CEP128: variants seen among roughly 807,000 people sequenced by gnomAD.
The protein encoded by CEP128 is centrosomal protein 128, also known as centrosomal protein 128kDa.
CEP128 carries 132 observed loss-of-function variants against 156.7 expected under a neutral mutation model. The ratio of observed to expected loss-of-function variants is 0.84; its 90% CI spans 0.73 to 0.97. The LOEUF (loss-of-function observed/expected upper bound fraction) is 0.97, where lower values mean the gene tolerates loss of function less well. CEP128 is among the 50% of genes least tolerant of loss of function. The pLI, the probability that CEP128 is intolerant of heterozygous loss-of-function variation, is 0.00. For synonymous variants in CEP128, 469 were observed against 448.9 expected, an observed-to-expected ratio of 1.04 and a Z score of -0.57; for missense variants, 1,252 against 1,281.9, an observed-to-expected ratio of 0.98 and a Z score of 0.36.
intron 2 of CEP128, chr14:80,955,645 C>A (rs761250985): frequency 4.3e-6 from 7 of 1,612,466 alleles, no homozygotes; most frequent in Non-Finnish European, 5.9e-6. Context: ...GAGGCGATTT[C>A]GGAGGATGGA....
intron 18 of CEP128, among the ~76,000 whole-genome samples, chr14:80,751,301 T>A (rs1262206967): frequency 6.6e-6 from 1 of 152,200 alleles, no homozygotes; most frequent in Non-Finnish European, 1.5e-5. Context: ...TGAATTTGTA[T>A]GCAGAATATA....
chr14:80,804,641 G>A (rs1042376407), intron 13 of CEP128, among the ~76,000 whole-genome samples: 1 of 151,940 alleles, frequency 6.6e-6, no homozygotes, highest in African/African-American at 2.4e-5. Flanking sequence ...TGACTCAAGT[G>A]TAAAAACATA....
intron 18 of CEP128, among the ~76,000 whole-genome samples, chr14:80,755,499 A>G (rs1899609707): frequency 6.6e-6 from 1 of 152,184 alleles, no homozygotes; most frequent in Non-Finnish European, 1.5e-5. Flanking sequence ...CACCAGTGCC[A>G]ACAAAGCAAC....
intron 13 of CEP128, among the ~76,000 whole-genome samples, chr14:80,802,903 T>A (rs1210788174): frequency 6.6e-6 from 1 of 152,212 alleles, no homozygotes; most frequent in Non-Finnish European, 1.5e-5. Context: ...TAGAACCAAT[T>A]CTTTTCTCAT....
At chr14:80,849,972 G>A (rs1234161297) in intron 9 of CEP128, among the ~76,000 whole-genome samples, 3 of 151,974 alleles carry the variant, frequency 2.0e-5, no homozygotes, top group Non-Finnish European at 2.9e-5. Context: ...AAGGGAATGG[G>A]AATATATGAT....
chr14:80,871,660 A>AT (rs1239842828), intron 8 of CEP128, among the ~76,000 whole-genome samples: 1 of 152,076 alleles, frequency 6.6e-6, no homozygotes, highest in Non-Finnish European at 1.5e-5. Context: ...GAACTTCTTT[A>AT]TTTTTTCTTT....
At chr14:80,607,046 TAC>T (rs1892811343) in intron 19 of CEP128, among the ~76,000 whole-genome samples, 1 of 151,582 alleles carries the variant, frequency 6.6e-6, no homozygotes, top group Non-Finnish European at 1.5e-5. Flanking sequence ...TACACACATA[TAC>T]ATATATGTAC....
chr14:80,591,283 C>T (rs1005874391), intron 19 of CEP128, among the ~76,000 whole-genome samples: 20 of 151,080 alleles, frequency 1.3e-4, no homozygotes, highest in African/African-American at 4.6e-4. Flanking sequence ...CAAAGACACA[C>T]GTAGGCTCAA....
intron 9 of CEP128, among the ~76,000 whole-genome samples, 169 bp downstream of exon 9, chr14:80,862,588 G>A (rs1887564654): frequency 1.3e-5 from 2 of 152,178 alleles, no homozygotes; most frequent in South Asian, 4.1e-4. Flanking sequence ...TGGACAGCAA[G>A]TATGAAACCA....
chr14:80,556,878 A>G (rs964499924), intron 21 of CEP128, among the ~76,000 whole-genome samples: 2 of 152,192 alleles, frequency 1.3e-5, no homozygotes, highest in Non-Finnish European at 2.9e-5. Flanking sequence ...TTTATGAACT[A>G]TAAAGTACTT....
At chr14:80,786,630 G>A (rs912636441) in intron 14 of CEP128, among the ~76,000 whole-genome samples, 1 of 152,164 alleles carries the variant, frequency 6.6e-6, no homozygotes, top group African/African-American at 2.4e-5. Context: ...TTGATTTTCA[G>A]TTCAATCACG....
chr14:80,535,655 G>A (rs1889452013), intron 21 of CEP128, among the ~76,000 whole-genome samples: 1 of 152,138 alleles, frequency 6.6e-6, no homozygotes, highest in Non-Finnish European at 1.5e-5. Flanking sequence ...TAGTGTTTCT[G>A]TTGATTATAG....
At chr14:80,478,688 A>G (rs1886992711) in intron 14 of CEP128, among the ~76,000 whole-genome samples, 1 of 152,174 alleles carries the variant, frequency 6.6e-6, no homozygotes, top group Non-Finnish European at 1.5e-5. Context: ...AAAATATTTA[A>G]AGCTCTTCCG....
chr14:80,736,669 T>C (rs1476664618), intron 19 of CEP128, among the ~76,000 whole-genome samples: 2 of 152,168 alleles, frequency 1.3e-5, no homozygotes, highest in African/African-American at 2.4e-5. Context: ...ATCTCTAAAA[T>C]TAAGTTCATC....
At chr14:80,492,751 CTG>C (rs1183250380), downstream of CEP128, among the ~76,000 whole-genome samples, 6 of 152,040 alleles carry the variant, frequency 3.9e-5, no homozygotes, top group Admixed American at 1.3e-4. Flanking sequence ...CAAAAGGAAA[CTG>C]TGTAATTTAA....
chr14:80,542,838 A>G (rs77235563), intron 21 of CEP128, among the ~76,000 whole-genome samples: 2,739 of 152,272 alleles, frequency 0.018, 78 homozygotes, highest in African/African-American at 0.063. Context: ...ATTAGGAATG[A>G]TCATTGTTCT....
intron 13 of CEP128, among the ~76,000 whole-genome samples, chr14:80,816,693 C>A (rs1323852411): frequency 6.6e-6 from 1 of 152,108 alleles, no homozygotes; most frequent in African/African-American, 2.4e-5. Flanking sequence ...TTATCTGGAA[C>A]AAGGCATGAG....
chr14:80,802,576 A>T (rs867712463), intron 13 of CEP128, among the ~76,000 whole-genome samples: 108 of 152,142 alleles, frequency 7.1e-4, no homozygotes, highest in Middle Eastern at 6.8e-3. Context: ...TTAGAGTATG[A>T]GTCAATAGGT....
At chr14:80,890,906 CAGA>C (rs1210617909) in intron 8 of CEP128, among the ~76,000 whole-genome samples, 1 of 152,100 alleles carries the variant, frequency 6.6e-6, no homozygotes, top group African/African-American at 2.4e-5. Flanking sequence ...AGGCATTTCT[CAGA>C]AGGAGACACA....
Sources: allele counts gnomAD v4.1 joint callset (sites outside exome capture counted in the v4.1 genomes callset), GRCh38; gene constraint gnomAD v4.1.1; transcripts MANE v1.5; gene names NCBI Gene and HGNC (gene_info 2026-07-23, HGNC 2026-07-21).